FDXR: variants seen among roughly 807,000 people sequenced by gnomAD.
FDXR encodes the protein NADPH:adrenodoxin oxidoreductase, mitochondrial.
FDXR carries 38 observed loss-of-function variants against 58.3 expected under a neutral mutation model. The observed-to-expected ratio is 0.65, with a 90% CI of 0.50 to 0.85. The LOEUF (loss-of-function observed/expected upper bound fraction) is 0.85, where lower values mean the gene tolerates loss of function less well. Ranked by LOEUF, FDXR falls within the 40% of genes least tolerant of loss-of-function variation. FDXR has a pLI of 0.00. For synonymous variants in FDXR, 275 were observed against 273.8 expected (o/e 1.00, Z -0.04); for missense variants, 624 against 671.0 (o/e 0.93, Z 0.77).
intron 2 of FDXR, chr17:74,868,351 C>A (rs2038264085): frequency 4.6e-6 from 3 of 648,778 alleles, no homozygotes; most frequent in Non-Finnish European, 2.8e-6. Flanking sequence ...CCTGTGGTGT[C>A]CTGCTCAAGG....
At position 74,862,517 on chromosome 17, in the gene FDXR, T is replaced by C; in HGVS notation, c.*300A>G. 2 of 321,978 alleles carry C rather than the reference T, an allele frequency of 6.2e-6. No individual in the cohort carries two copies. Among genetic ancestry groups the C allele is most frequent in the Non-Finnish European group, 5.7e-6 (1 of 176,416 alleles). The allele number at this position is 321,978 out of a possible 1,614,324, so 19.9% of individuals were successfully genotyped here. The stretch of plus-strand genomic sequence containing the variant: ...ATGGCTCTTGGTTGCAGCTGTTTTA[T>C]TTCCAGCATGTTCCCAACCTGGTGA... On this transcript the variant is annotated 3_prime_UTR_variant, in exon 12 of 12. Transcript: ENST00000293195.
chr17:74,863,989 C>A lies in FDXR; in HGVS notation c.1081G>T (p.Gly361Trp). 1 of 1,614,078 alleles carries A rather than the reference C, an allele frequency of 6.2e-7. No individual in the cohort carries two copies. ...LPCGLVLSSIGYKSRPVDPSV... is the reference protein window; with the variant it reads ...LPCGLVLSSIWYKSRPVDPSV... ...GGGTCGACAGGGCGGCTCTTATACCCAATGCTGCTGAGCACCAGCCCACAA... is the reference window on the plus strand; with the variant it reads ...GGGTCGACAGGGCGGCTCTTATACCAAATGCTGCTGAGCACCAGCCCACAA... Residue 361 changes from glycine (G) to tryptophan (W), a missense_variant, in exon 10 of 12, where the codon GGG becomes TGG. By Grantham distance (184) the Gly-to-Trp change is radical. Transcript: ENST00000293195.
At chr17:74,866,667 C>G (rs1188580884) in intron 3 of FDXR, 99 bp from the exon 4 acceptor site, 2 of 1,595,620 alleles carry the variant, frequency 1.3e-6, no homozygotes, top group Middle Eastern at 1.7e-4. Flanking sequence ...AGGAGGGAAG[C>G]TGGGTGGCAT....
At chr17:74,866,655 C>CTT in intron 3 of FDXR, 87 bp from the exon 4 acceptor site, 1 of 1,600,974 alleles carries the variant, frequency 6.2e-7, no homozygotes, top group Non-Finnish European at 8.5e-7. Context: ...CTCTGTGTCC[C>CTT]CAGGAGGGAA....
At chr17:74,866,385 C>G in intron 4 of FDXR, 61 bp downstream of exon 4, 1 of 1,597,796 alleles carries the variant, frequency 6.3e-7, no homozygotes, top group African/African-American at 1.3e-5. Context: ...CCTTCCACCC[C>G]GAGCCACCGG....
chr17:74,862,716 GC>G lies in FDXR; in HGVS notation c.*100del. 1 of 1,446,998 alleles carries G rather than the reference GC, an allele frequency of 6.9e-7. No homozygotes were observed. Among genetic ancestry groups the G allele is most frequent in the Non-Finnish European group, 9.2e-7 (1 of 1,087,822 alleles). The allele number at this position is 1,446,998 out of a possible 1,614,324, so 89.6% of individuals were successfully genotyped here. ...CAGCCAAGCCTCCAAGCCAGGGCCGGCCGGGATCAGCAGAGGTGCAAAGTCC... is the reference window on the plus strand; with the variant it reads ...CAGCCAAGCCTCCAAGCCAGGGCCGGCGGGATCAGCAGAGGTGCAAAGTCC... On this transcript the variant is annotated 3_prime_UTR_variant, in exon 12 of 12. Coordinates refer to ENST00000293195, the MANE Select transcript of FDXR (RefSeq NM_024417.5).
chr17:74,867,186 A>G (rs778338914), intron 2 of FDXR, among the ~76,000 whole-genome samples: 2 of 151,920 alleles, frequency 1.3e-5, no homozygotes, highest in Non-Finnish European at 2.9e-5. Context: ...AGGCACCTGC[A>G]ATCCCAGCTA....
rs761755327 is a variant in FDXR at position 74,863,925 on chromosome 17, T to C, written c.1145A>G (p.Asn382Ser). Residue 382 changes from asparagine to serine, a missense_variant, in exon 10 of 12, where the codon AAT (asparagine) becomes AGT (serine). Asn to Ser is a conservative substitution (Grantham distance 46). Coordinates refer to ENST00000293195, the MANE Select transcript of FDXR (RefSeq NM_024417.5). ...CACATCCATAACCCGGCCCTCCACA[T>C]TGGGGATGACCCCAAGCTTGGAGTC... ...PFDSKLGVIP[N>S]VEGRVMDVPG... 59 of 1,613,724 alleles carry C rather than the reference T, an allele frequency of 3.7e-5. 3 individuals are homozygous for C. In the South Asian group the frequency reaches 4.3e-4, roughly 12 times the overall value.
intron 10 of FDXR, 53 bp from the exon 11 acceptor site, chr17:74,863,299 G>A: frequency 6.5e-7 from 1 of 1,533,898 alleles, no homozygotes; most frequent in Non-Finnish European, 8.9e-7. Flanking sequence ...ATACCACCCT[G>A]GCCATCCTGT....
At chr17:74,870,970 T>C (rs560348425) in intron 2 of FDXR, among the ~76,000 whole-genome samples, 1 of 151,914 alleles carries the variant, frequency 6.6e-6, no homozygotes, top group South Asian at 2.1e-4. Flanking sequence ...ACGTGGCTGA[T>C]TTTTCTATTT....
intron 6 of FDXR, 70 bp from the exon 7 acceptor site, chr17:74,865,001 G>C: frequency 6.2e-7 from 1 of 1,604,990 alleles, no homozygotes. Context: ...ATTTGGTCAT[G>C]TCCCCACCGT....
At chr17:74,872,243 C>T (rs2038398236) in intron 1 of FDXR, 110 bp from the exon 2 acceptor site, 1 of 1,543,146 alleles carries the variant, frequency 6.5e-7, no homozygotes, top group African/African-American at 1.4e-5. Flanking sequence ...TCACCCTCAC[C>T]TGCATCCTCC....
chr17:74,865,592 G>T (rs1810912017), intron 6 of FDXR, 127 bp downstream of exon 6: 3 of 633,770 alleles, frequency 4.7e-6, no homozygotes, highest in African/African-American at 1.8e-5. Flanking sequence ...CCTCTGCCTG[G>T]GCACCACGGG....
At chr17:74,868,823 T>G in intron 2 of FDXR, 1 of 1,332,614 alleles carries the variant, frequency 7.5e-7, no homozygotes, top group Non-Finnish European at 1.0e-6. Flanking sequence ...CGACCCCAAA[T>G]TCCCCTGAAC....
chr17:74,868,501 G>A (rs1228810547), intron 2 of FDXR: 2 of 1,354,410 alleles, frequency 1.5e-6, no homozygotes, highest in East Asian at 5.0e-5. Context: ...ACAGCATAAA[G>A]TTCAAACTGC....
chr17:74,865,704 T>TG lies in FDXR; in HGVS notation c.609+14dup. The TG allele has an allele frequency of 1.3e-6, 2 of 1,593,192 alleles. No individual in the cohort carries two copies. The highest frequency in any genetic ancestry group is 1.7e-6 in the Non-Finnish European group (2 of 1,168,898). ...ACCCCACCTCCAACCCCGCCAGCCC[T>TG]GACCTACCACTCACCTCCAGGTGCT... On this transcript the variant is annotated intron_variant, in intron 6 of 11. Coordinates refer to ENST00000293195, the MANE Select transcript of FDXR (RefSeq NM_024417.5).
At position 74,864,329 on chromosome 17, in the gene FDXR, T is replaced by A. The variant is rs1242088189; in HGVS notation, c.821A>T (p.Lys274Met). 1 of 1,576,348 alleles carries A rather than the reference T, an allele frequency of 6.3e-7. No homozygotes were observed. Among genetic ancestry groups the A allele is most frequent in the Admixed American group, 1.8e-5 (1 of 55,732 alleles). The change falls in exon 9 of 12, where the codon AAG becomes ATG. Residue 274 changes from lysine (K) to methionine (M), a missense_variant. Coordinates refer to ENST00000293195, the MANE Select transcript of FDXR (RefSeq NM_024417.5). ...DKIKEVPRPR[K>M]RLTELLLRTA... ...TCGAAGCAGCAGTTCCGTCAGCCGC[T>A]TCCTCGGGCGGGGGACCTCTGTCAG...
intron 2 of FDXR, chr17:74,868,852 T>A: frequency 9.7e-7 from 1 of 1,035,654 alleles, no homozygotes; most frequent in East Asian, 2.7e-5. Context: ...GACTTTCTAC[T>A]CTCTCTCTCC....
In FDXR at chr17:74,863,153, T is replaced by C. The variant is rs2038033908; in HGVS notation, c.1268A>G (p.Gln423Arg). 1 of 1,613,700 alleles carries C rather than the reference T, an allele frequency of 6.2e-7. No individual in the cohort carries two copies. The highest frequency in any genetic ancestry group is 1.3e-5 in the African/African-American group (1 of 74,944). Residue 423 changes from glutamine (Q) to arginine (R), a missense_variant, in exon 11 of 12, where the codon CAG becomes CGG. Transcript: ENST00000293195. ...GGGGAGCAACCCAGCCTTCAGGTCC[T>C]GCAGCAGCATCTGGCCGGTGAGGAA... Reference protein sequence around the residue: ...DSFLTGQMLLQDLKAGLLPSG... With the variant: ...DSFLTGQMLLRDLKAGLLPSG...
Sources: gnomAD v4.1 joint callset for allele counts (sites outside exome capture counted in the v4.1 genomes callset) on GRCh38, gnomAD v4.1.1 for gene constraint, MANE v1.5 for transcripts, NCBI Gene and HGNC (gene_info 2026-07-23, HGNC 2026-07-21) for gene names.